SIL1: variants seen among roughly 807,000 people sequenced by gnomAD.
The protein encoded by SIL1 is SIL1 nucleotide exchange factor.
Under a neutral mutation model 49.1 loss-of-function variants are expected in SIL1, and 40 were observed. The observed-to-expected ratio is 0.81, with a 90% CI of 0.63 to 1.06. The LOEUF is 1.06. Ranked by LOEUF, SIL1 falls within the 50% of genes least tolerant of loss-of-function variation. The probability of loss-of-function intolerance (pLI) is 0.00; values close to 1 mark genes in which losing one functional copy is unlikely to be tolerated. For synonymous variants in SIL1, 253 were observed against 250.8 expected (o/e 1.01, Z -0.08); for missense variants, 500 against 572.6 (o/e 0.87, Z 1.29).
intron 5 of SIL1, among the ~76,000 whole-genome samples, chr5:139,038,069 A>C (rs1213899323): frequency 6.6e-6 from 1 of 152,122 alleles, no homozygotes; most frequent in Non-Finnish European, 1.5e-5. Context: ...AAGGACATTA[A>C]TCCCTCTTGA....
intron 4 of SIL1, among the ~76,000 whole-genome samples, chr5:139,045,976 T>G (rs1769150402): frequency 6.6e-6 from 1 of 152,250 alleles, no homozygotes; most frequent in Non-Finnish European, 1.5e-5. Context: ...TGTCTTCTTT[T>G]GTCCACCTTC....
intron 3 of SIL1, among the ~76,000 whole-genome samples, chr5:139,069,941 A>G (rs556151557): frequency 6.6e-6 from 1 of 152,264 alleles, no homozygotes; most frequent in Admixed American, 6.5e-5. Context: ...ACATACAAAA[A>G]CACAGAGATT....
chr5:139,040,498 C>T (rs7727883), intron 5 of SIL1, among the ~76,000 whole-genome samples: 41,395 of 103,848 alleles, frequency 0.4, 8,458 homozygotes, highest in African/African-American at 0.53. Context: ...TTTCTTTTTT[C>T]TTTTTTTTTT....
At chr5:139,127,702 A>G (rs1408353664) in intron 2 of SIL1, 37 bp downstream of exon 2, 5 of 1,554,620 alleles carry the variant, frequency 3.2e-6, no homozygotes, top group African/African-American at 2.7e-5. Context: ...TCAAGACCTC[A>G]TCAAGGGTCC....
chr5:139,059,978 T>TTTG (rs1477370994), intron 3 of SIL1, among the ~76,000 whole-genome samples: 3 of 152,236 alleles, frequency 2.0e-5, no homozygotes, highest in Non-Finnish European at 4.4e-5. Flanking sequence ...CCAAACTAGA[T>TTTG]TACAGCATGT....
chr5:139,045,694 T>A (rs1171445349), intron 4 of SIL1, among the ~76,000 whole-genome samples: 1 of 152,222 alleles, frequency 6.6e-6, no homozygotes, highest in Non-Finnish European at 1.5e-5. Context: ...GGCTCTTGAT[T>A]CTTCTCCTTA....
intron 1 of SIL1, among the ~76,000 whole-genome samples, chr5:139,138,072 C>T (rs1194759110): frequency 6.6e-6 from 1 of 151,788 alleles, no homozygotes; most frequent in East Asian, 1.9e-4. Flanking sequence ...ACTCAAGCTT[C>T]CTAGCTATAC....
chr5:139,033,275 G>A (rs1480840808), intron 5 of SIL1, among the ~76,000 whole-genome samples: 8 of 151,994 alleles, frequency 5.3e-5, no homozygotes, highest in African/African-American at 1.4e-4. Flanking sequence ...GATTATAGGC[G>A]TGAGCCACCG....
At chr5:138,991,110 C>A (rs1316365663) in intron 7 of SIL1, among the ~76,000 whole-genome samples, 1 of 152,226 alleles carries the variant, frequency 6.6e-6, no homozygotes, top group Non-Finnish European at 1.5e-5. Context: ...TAGCCTACAC[C>A]ATCCTGCAAT....
intron 3 of SIL1, among the ~76,000 whole-genome samples, chr5:139,095,885 A>G (rs1024245686): frequency 7.9e-5 from 12 of 152,200 alleles, no homozygotes; most frequent in African/African-American, 2.9e-4. Flanking sequence ...GAGAAGACAC[A>G]GAACAAGATG....
intron 7 of SIL1, among the ~76,000 whole-genome samples, chr5:138,975,485 T>G (rs1004394641): frequency 6.6e-6 from 1 of 152,150 alleles, no homozygotes; most frequent in South Asian, 2.1e-4. Context: ...TGTCCCTGCA[T>G]GTGTGGGGTC....
At chr5:139,158,168 G>C (rs1015342427) in intron 1 of SIL1, among the ~76,000 whole-genome samples, 3 of 152,154 alleles carry the variant, frequency 2.0e-5, no homozygotes, top group Non-Finnish European at 2.9e-5. Context: ...CTAATCAATG[G>C]CAGAGCCAGA....
intron 1 of SIL1, among the ~76,000 whole-genome samples, chr5:139,172,279 T>C (rs1751787087): frequency 6.6e-6 from 1 of 152,042 alleles, no homozygotes; most frequent in East Asian, 1.9e-4. Context: ...ACAGGATGAA[T>C]ACAAAGAGAC....
chr5:139,151,274 TG>T, intron 1 of SIL1, among the ~76,000 whole-genome samples: 1 of 152,274 alleles, frequency 6.6e-6, no homozygotes, highest in East Asian at 1.9e-4. Context: ...AAGAAGACCC[TG>T]CTCAAAACTC....
At chr5:138,980,814 T>G (rs1484269582) in intron 7 of SIL1, among the ~76,000 whole-genome samples, 1 of 152,158 alleles carries the variant, frequency 6.6e-6, no homozygotes, top group African/African-American at 2.4e-5. Context: ...CCCTCCCCAG[T>G]GGCAGAGTCC....
chr5:139,105,211 G>A (rs1770674044), intron 3 of SIL1, among the ~76,000 whole-genome samples: 1 of 152,148 alleles, frequency 6.6e-6, no homozygotes, highest in Non-Finnish European at 1.5e-5. Flanking sequence ...GAAGAGGGGG[G>A]CGATATGTGG....
At chr5:139,087,444 G>A (rs1199894311) in intron 3 of SIL1, among the ~76,000 whole-genome samples, 2 of 152,194 alleles carry the variant, frequency 1.3e-5, no homozygotes, top group Admixed American at 6.5e-5. Context: ...CTTAGGAGGC[G>A]GAGGCGGGAG....
At chr5:139,046,407 C>T (rs1437631545) in intron 4 of SIL1, among the ~76,000 whole-genome samples, 2 of 152,124 alleles carry the variant, frequency 1.3e-5, no homozygotes, top group African/African-American at 4.8e-5. Context: ...TCCTCAAAAG[C>T]CACATGATCT....
intron 7 of SIL1, among the ~76,000 whole-genome samples, chr5:138,979,106 G>A (rs968250266): frequency 2.6e-5 from 4 of 150,944 alleles, no homozygotes; most frequent in Non-Finnish European, 4.4e-5. Context: ...TCGCTCTGTC[G>A]CCAGGCTGGA....
Sources: allele counts gnomAD v4.1 joint callset (sites outside exome capture counted in the v4.1 genomes callset), GRCh38; gene constraint gnomAD v4.1.1; transcripts MANE v1.5; gene names NCBI Gene and HGNC (gene_info 2026-07-23, HGNC 2026-07-21).